The following UVSSA variants were observed in gnomAD, a reference collection of about 807,000 sequenced individuals.
UVSSA encodes UV-stimulated scaffold protein A.
Under a neutral mutation model 73.9 loss-of-function variants are expected in UVSSA, and 72 were observed. The ratio of observed to expected loss-of-function variants is 0.97; its 90% CI spans 0.81 to 1.19. The LOEUF (loss-of-function observed/expected upper bound fraction) is 1.19, where lower values mean the gene tolerates loss of function less well. UVSSA is among the 50% of genes most tolerant of loss of function. UVSSA has a pLI of 0.00. For missense variants in UVSSA, 1,150 were observed against 965.0 expected (o/e 1.19, Z -2.54); for synonymous variants, 454 against 391.3 (o/e 1.16, Z -1.89).
chr4:1,346,016 A>AGGGTGAGGAAG (rs1318169768), upstream of UVSSA, among the ~76,000 whole-genome samples: 1 of 152,144 alleles, frequency 6.6e-6, no homozygotes, highest in Non-Finnish European at 1.5e-5. Context: ...AGCAAGAGGC[A>AGGGTGAGGAAG]GGGTGAGGAA....
chr4:1,342,580 C>T (rs1275452366), upstream of UVSSA, among the ~76,000 whole-genome samples: 1 of 152,042 alleles, frequency 6.6e-6, no homozygotes. Flanking sequence ...TCTGCCTATT[C>T]CAGGGTTGCA....
Position 1,353,136 on chromosome 4 carries a change from G to A in UVSSA, c.657G>A (p.Met219Ile). The A allele has an allele frequency of 6.2e-7, 1 of 1,613,064 alleles. No homozygotes were observed. The highest frequency in any genetic ancestry group is 8.5e-7 in the Non-Finnish European group (1 of 1,180,028). Residue 219 changes from methionine to isoleucine, a missense_variant, in exon 5 of 14, where the codon ATG becomes ATA. Physicochemically the swap from Met to Ile is conservative, Grantham distance 10. Transcript: ENST00000389851. The stretch of plus-strand genomic sequence containing the variant: ...ACCCGGAGACGGAATCCCTTGGCAT[G>A]GCTTCTGGCATGTCCGATGCCCTTC... ...DPNPETESLG[M>I]ASGMSDALRS...
intron 7 of UVSSA, chr4:1,356,533 T>G (rs908038544): frequency 1.3e-5 from 2 of 152,236 alleles, no homozygotes; most frequent in African/African-American, 2.4e-5. Context: ...AGGAAATACT[T>G]CTGTGAGTTG....
downstream of UVSSA, chr4:1,392,525 TCTG>T (rs1720432175): frequency 6.6e-6 from 1 of 152,386 alleles, no homozygotes; most frequent in Non-Finnish European, 1.5e-5. Flanking sequence ...TTCCTTCTCT[TCTG>T]AAGAATAATT....
At chr4:1,344,815 A>G (rs751782786), upstream of UVSSA, among the ~76,000 whole-genome samples, 2 of 152,164 alleles carry the variant, frequency 1.3e-5, no homozygotes, top group Non-Finnish European at 2.9e-5. Flanking sequence ...GGGGGTGTTG[A>G]GCCAGGGAGG....
At chr4:1,394,589 A>C in exon 14 of UVSSA, 1 of 1,503,186 alleles carries the variant, frequency 6.7e-7, no homozygotes, top group South Asian at 1.2e-5. Flanking sequence ...CCGCCTGCTC[A>C]TGTGCCCATG....
downstream of UVSSA, chr4:1,392,677 TTGAC>T (rs1720434907): frequency 6.6e-6 from 1 of 152,258 alleles, no homozygotes; most frequent in African/African-American, 2.4e-5. Flanking sequence ...TTCTGACTGT[TTGAC>T]TGTGGTGTGT....
chr4:1,354,654 T>C, intron 5 of UVSSA, 81 bp from the exon 6 acceptor site: 2 of 1,324,810 alleles, frequency 1.5e-6, no homozygotes, highest in South Asian at 2.5e-5. Context: ...AGAGCAGCCT[T>C]CCTTGCATGG....
chr4:1,362,154 A>G (rs1248932818), intron 7 of UVSSA, among the ~76,000 whole-genome samples: 1 of 152,136 alleles, frequency 6.6e-6, no homozygotes, highest in Non-Finnish European at 1.5e-5. Context: ...GTGGAGGCTC[A>G]TTTTTCTAAA....
At chr4:1,349,416 CAGT>C in intron 2 of UVSSA, 105 bp from the exon 3 acceptor site, 1 of 1,045,044 alleles carries the variant, frequency 9.6e-7, no homozygotes, top group South Asian at 1.6e-5. Context: ...GATGGGAAGG[CAGT>C]GGTGGTCCCT....
chr4:1,357,701 A>T lies in UVSSA; in HGVS notation c.1176+2456A>T, dbSNP rs1013137353. ...CCAGGGACCCTGCGTGCTCTTCATG[A>T]GTGTTCAGCTCAGCCTGGCTCCTGC... is the stretch of plus-strand genomic sequence containing the variant. On this transcript the variant is annotated intron_variant, in intron 7 of 13. Transcript: ENST00000389851. 2.7e-5 allele frequency among the ~76,000 whole-genome samples: 3 copies of T among 113,134 alleles called. No homozygotes were observed. In the South Asian group the frequency reaches 7.8e-4, roughly 29 times the overall value. 74.2% of individuals were successfully genotyped at this position (113,134 alleles called of 152,430 possible). A position where few individuals can be genotyped will look rare whatever the true frequency, so the allele number is the denominator to read the frequency against.
intron 6 of UVSSA, 72 bp downstream of exon 6, chr4:1,354,919 C>CT: frequency 6.5e-7 from 1 of 1,536,096 alleles, no homozygotes; most frequent in Non-Finnish European, 8.8e-7. Context: ...GGGTCCCTTT[C>CT]TTGGGGGGAC....
intron 12 of UVSSA, among the ~76,000 whole-genome samples, chr4:1,381,452 A>G (rs988716801): frequency 2.6e-5 from 4 of 152,190 alleles, no homozygotes; most frequent in Non-Finnish European, 4.4e-5. Context: ...GGCCACTGCT[A>G]TGGCGGCAGG....
exon 14 of UVSSA, chr4:1,395,753 G>T (rs1256105114): frequency 4.3e-6 from 7 of 1,614,216 alleles, no homozygotes; most frequent in Admixed American, 1.7e-5. Context: ...TGCCGGCCGA[G>T]TCAGACGCTG....
intron 8 of UVSSA, among the ~76,000 whole-genome samples, chr4:1,368,464 C>T (rs1021218694): frequency 2.0e-5 from 3 of 152,240 alleles, no homozygotes; most frequent in Non-Finnish European, 2.9e-5. Flanking sequence ...TGAGGCTCCC[C>T]GGGCCTGTGG....
At chr4:1,362,338 C>G (rs1346933868) in intron 7 of UVSSA, among the ~76,000 whole-genome samples, 3 of 152,186 alleles carry the variant, frequency 2.0e-5, no homozygotes, top group African/African-American at 7.2e-5. Context: ...TGTGGACCAG[C>G]CTTGGGAGGC....
At position 1,380,181 on chromosome 4, in the gene UVSSA, G is replaced by A. The variant is rs373957476; in HGVS notation, c.1703G>A (p.Arg568His). The A allele has an allele frequency of 1.7e-5, 27 of 1,612,852 alleles. No homozygotes were observed. Among genetic ancestry groups the A allele is most frequent in the East Asian group, 4.5e-5 (2 of 44,878 alleles). ...GKFEPVQHWCRAPRPDGRLCE... is the reference protein window; with the variant it reads ...GKFEPVQHWCHAPRPDGRLCE... Reference sequence around the variant, plus strand: ...TTTGAGCCTGTGCAGCACTGGTGCCGTGCCCCGAGGCCAGACGGCCGGCTC... The same window carrying A: ...TTTGAGCCTGTGCAGCACTGGTGCCATGCCCCGAGGCCAGACGGCCGGCTC... Residue 568 changes from arginine (R) to histidine (H), a missense_variant, in exon 11 of 14, where the codon CGT (arginine) becomes CAT (histidine). Arg to His is a conservative substitution (Grantham distance 29). Coordinates refer to ENST00000389851, the MANE Select transcript of UVSSA (RefSeq NM_020894.4).
At chr4:1,349,473 G>A (rs765491322) in intron 2 of UVSSA, 51 bp from the exon 3 acceptor site, 21 of 1,570,082 alleles carry the variant, frequency 1.3e-5, no homozygotes, top group Middle Eastern at 4.3e-4. Flanking sequence ...GTCTCCCCCC[G>A]CCCATCCTCT....
rs767917709 is a variant in UVSSA, at chr4:1,355,112, C to T, written c.1048-5C>T. 2.4e-5 allele frequency: 39 copies of T among 1,613,258 alleles called. No homozygotes were observed. In the South Asian group the frequency reaches 3.0e-4, roughly 12 times the overall value. ...CCCTGAGCTGTTCGCACCCCCGTTT[C>T]GCAGCGCTTCACCCGCGTCGGGACC... On this transcript the variant is annotated splice_region_variant and splice_polypyrimidine_tract_variant and intron_variant, in intron 6 of 13. Transcript: ENST00000389851.
Sources: gnomAD v4.1 joint callset for allele counts (sites outside exome capture counted in the v4.1 genomes callset) on GRCh38, gnomAD v4.1.1 for gene constraint, MANE v1.5 for transcripts, NCBI Gene and HGNC (gene_info 2026-07-23, HGNC 2026-07-21) for gene names.